Variants in SEMA6A observed in about 807,000 individuals in gnomAD.
SEMA6A encodes the protein semaphorin 6A.
SEMA6A carries 25 observed loss-of-function variants against 96.8 expected under a neutral mutation model. The ratio of observed to expected loss-of-function variants is 0.26; its 90% confidence interval spans 0.19 to 0.36. The LOEUF is 0.36. Among genes scored for constraint, SEMA6A ranks in the 10% least tolerant of loss-of-function variants. The probability of loss-of-function intolerance (pLI) is 1.00; values close to 1 mark genes in which losing one functional copy is unlikely to be tolerated. For synonymous variants in SEMA6A, 612 were observed against 518.0 expected (o/e 1.18, Z -2.46); for missense variants, 1,363 against 1,323.1 (o/e 1.03, Z -0.47).
intron 1 of SEMA6A, among the ~76,000 whole-genome samples, chr5:116,539,514 ACTC>A (rs1759868453): frequency 6.6e-6 from 1 of 151,640 alleles, no homozygotes; most frequent in African/African-American, 2.4e-5. Flanking sequence ...CTTAGGTTGT[ACTC>A]CTGAGAAATG....
At chr5:116,570,473 T>C (rs561038566) in intron 1 of SEMA6A, among the ~76,000 whole-genome samples, 243 of 152,282 alleles carry the variant, frequency 1.6e-3, no homozygotes, top group Middle Eastern at 3.4e-3. Flanking sequence ...TCCTCTACTC[T>C]AGGAGGACAG....
rs1756677262 is a variant in SEMA6A, at chr5:116,480,151, G to A, written c.1221C>T (p.Asn407=). Residue 407 remains asparagine, a synonymous_variant, in exon 12 of 19, where the codon AAC becomes AAT. Coordinates refer to ENST00000343348, the MANE Select transcript of SEMA6A (RefSeq NM_020796.5). The part of the protein sequence containing the change: ...LMDEAVPSIF[N]RPWFLRTMVR... ...CCATTGTTCTCAGGAACCATGGCCT[G>A]TTGAAGATGGAGGGCACTGCCTCAT... 1 of 1,613,822 alleles carries A rather than the reference G, an allele frequency of 6.2e-7. No individual in the cohort carries two copies. The highest frequency in any genetic ancestry group is 8.5e-7 in the Non-Finnish European group (1 of 1,179,770).
chr5:116,466,297 T>C (rs1313601943), intron 18 of SEMA6A, among the ~76,000 whole-genome samples: 1 of 150,016 alleles, frequency 6.7e-6, no homozygotes, highest in Non-Finnish European at 1.5e-5. Context: ...GAGAATCTCT[T>C]CAACTTGGGA....
chr5:116,488,080 C>CT (rs1400432864), intron 9 of SEMA6A, 28 bp downstream of exon 9: 1 of 1,443,498 alleles, frequency 6.9e-7, no homozygotes, highest in East Asian at 2.3e-5. Flanking sequence ...ATGTTACAAA[C>CT]TGAGCCAAGG....
At position 116,499,159 on chromosome 5, in the gene SEMA6A, T is replaced by C. The variant is rs545063049; in HGVS notation, c.219-1772A>G. On this transcript the variant is annotated intron_variant, in intron 3 of 18. Coordinates refer to ENST00000343348, the MANE Select transcript of SEMA6A (RefSeq NM_020796.5). ...ACAGAATTCTGTGAATGAAATCTTC[T>C]TTTGGACAATGACAATCTTTTTCAA... 2.6e-5 allele frequency: 4 copies of C among 152,322 alleles called. No individual in the cohort carries two copies. In the South Asian group the frequency reaches 8.3e-4, roughly 32 times the overall value. The allele number at this position is 152,322 out of a possible 1,614,324, so 9.4% of individuals were successfully genotyped here. A position where few individuals can be genotyped will look rare whatever the true frequency, so the allele number is the denominator to read the frequency against.
intron 1 of SEMA6A, among the ~76,000 whole-genome samples, chr5:116,558,933 C>A (rs1372251480): frequency 6.6e-6 from 1 of 152,136 alleles, no homozygotes; most frequent in Non-Finnish European, 1.5e-5. Flanking sequence ...TATCTAATTT[C>A]AGAATTTAAA....
chr5:116,467,577 C>G lies in SEMA6A; in HGVS notation c.1894+6G>C. 6.2e-7 allele frequency: 1 copy of G among 1,611,608 alleles called. No homozygotes were observed. Among genetic ancestry groups the G allele is most frequent in the Non-Finnish European group, 8.5e-7 (1 of 1,178,858 alleles). ...CCGAGAGGAAGAGGCATTTCCAAGGCCTTACCCTTCTTGTCTTGGTGATTA... is the reference window on the plus strand; with the variant it reads ...CCGAGAGGAAGAGGCATTTCCAAGGGCTTACCCTTCTTGTCTTGGTGATTA... On this transcript the variant is annotated splice_donor_region_variant and intron_variant, in intron 18 of 18. Coordinates refer to ENST00000343348, the MANE Select transcript of SEMA6A (RefSeq NM_020796.5).
At chr5:116,474,507 A>C (rs562434367) in intron 16 of SEMA6A, among the ~76,000 whole-genome samples, 72 of 152,318 alleles carry the variant, frequency 4.7e-4, no homozygotes, top group African/African-American at 1.7e-3. Context: ...ATTTTTGCCA[A>C]TATATAATAT....
At chr5:116,513,524 G>C (rs750546474) in intron 1 of SEMA6A, among the ~76,000 whole-genome samples, 3 of 151,760 alleles carry the variant, frequency 2.0e-5, no homozygotes, top group Non-Finnish European at 4.4e-5. Flanking sequence ...TACATGTATG[G>C]CTTACTTGTA....
At chr5:116,564,650 TCA>T (rs1760955286) in intron 1 of SEMA6A, among the ~76,000 whole-genome samples, 3 of 152,124 alleles carry the variant, frequency 2.0e-5, no homozygotes, top group Non-Finnish European at 4.4e-5. Flanking sequence ...CTTGACCAAG[TCA>T]CACAATATAT....
intron 7 of SEMA6A, among the ~76,000 whole-genome samples, chr5:116,491,474 G>A (rs143638980): frequency 0.013 from 1,986 of 151,776 alleles, 47 homozygotes; most frequent in African/African-American, 0.044. Context: ...TATTATTTGA[G>A]CCCAAACATT....
chr5:116,477,917 A>T lies in SEMA6A; in HGVS notation c.1578T>A (p.Ile526=), dbSNP rs752900042. Residue 526 remains isoleucine (I), a synonymous_variant, in exon 15 of 19, where the codon ATT becomes ATA. Coordinates refer to ENST00000343348, the MANE Select transcript of SEMA6A (RefSeq NM_020796.5). ...ATCCACAATATGGGTCTCTGGAGGC[A>T]ATACAGGTTCTGCAGGAAGAGGATG... The part of the protein sequence containing the change: ...ERHGKCKKTC[I]ASRDPYCGWI... 6 of 1,613,980 alleles carry T rather than the reference A, an allele frequency of 3.7e-6. No individual in the cohort carries two copies. The highest frequency in any genetic ancestry group is 1.6e-4 in the Middle Eastern group (1 of 6,062).
intron 1 of SEMA6A, among the ~76,000 whole-genome samples, chr5:116,560,075 A>G (rs571659957): frequency 6.6e-6 from 1 of 152,188 alleles, no homozygotes; most frequent in African/African-American, 2.4e-5. Context: ...CAAGTCCTAC[A>G]TTCCCCACCT....
intron 1 of SEMA6A, among the ~76,000 whole-genome samples, chr5:116,559,566 G>A (rs755409255): frequency 5.3e-5 from 8 of 152,130 alleles, no homozygotes; most frequent in Non-Finnish European, 1.0e-4. Context: ...TGTGTTGTTT[G>A]TTGGTGCGCT....
chr5:116,509,975 G>A (rs370094963), intron 1 of SEMA6A, among the ~76,000 whole-genome samples: 10 of 152,096 alleles, frequency 6.6e-5, no homozygotes. Flanking sequence ...TAAGCAGCAT[G>A]TGGTTTGGAA....
chr5:116,519,178 C>T (rs1758811481), intron 1 of SEMA6A, among the ~76,000 whole-genome samples: 1 of 152,160 alleles, frequency 6.6e-6, no homozygotes, highest in African/African-American at 2.4e-5. Flanking sequence ...TTGCAAGATT[C>T]CCCAAGCTGG....
chr5:116,512,553 A>C (rs1758459269), intron 1 of SEMA6A, among the ~76,000 whole-genome samples: 1 of 152,164 alleles, frequency 6.6e-6, no homozygotes, highest in African/African-American at 2.4e-5. Flanking sequence ...ACGTAGAAAA[A>C]CTGAATTCGT....
chr5:116,505,503 TTAC>T (rs1758107439), intron 1 of SEMA6A, among the ~76,000 whole-genome samples: 1 of 151,630 alleles, frequency 6.6e-6, no homozygotes, highest in Non-Finnish European at 1.5e-5. Flanking sequence ...CTCATCCTGT[TTAC>T]TAATTTCCAT....
intron 18 of SEMA6A, among the ~76,000 whole-genome samples, chr5:116,448,544 C>A (rs1334860698): frequency 3.9e-5 from 6 of 152,054 alleles, no homozygotes; most frequent in Non-Finnish European, 5.9e-5. Context: ...CAATTTTATG[C>A]ATGTTAGACA....
Sources: allele counts gnomAD v4.1 joint callset (sites outside exome capture counted in the v4.1 genomes callset), GRCh38; gene constraint gnomAD v4.1.1; transcripts MANE v1.5; gene names NCBI Gene and HGNC (gene_info 2026-07-23, HGNC 2026-07-21).